The following HDLBP variants were observed in gnomAD, a reference collection of about 807,000 sequenced individuals.
The protein encoded by HDLBP is vigilin.
Under a neutral mutation model 137.3 loss-of-function variants are expected in HDLBP, and 30 were observed. The ratio of observed to expected loss-of-function variants is 0.22; its 90% CI spans 0.16 to 0.30. The LOEUF is 0.30. Ranked by LOEUF, HDLBP falls within the 10% of genes least tolerant of loss-of-function variation. The pLI is 1.00. For synonymous variants in HDLBP, 606 were observed against 596.0 expected, an observed-to-expected ratio of 1.02 and a Z score of -0.24; for missense variants, 1,119 against 1,667.3, an observed-to-expected ratio of 0.67 and a Z score of 5.73.
Position 241,239,407 on chromosome 2 carries a change from A to C in HDLBP, c.2610+195T>G, listed in dbSNP as rs1049410393. On this transcript the variant is annotated intron_variant, in intron 19 of 27. Transcript: ENST00000310931. The surrounding 1 kb of genome is among the most constrained non-coding windows in gnomAD (Gnocchi z 4.6). ...TTTTTTAAGTGCTTCTCGCAGGCAG[A>C]ATTCTCACCAACTATCAGGAAGGAG... Among the ~76,000 whole-genome samples, 5 of 151,600 alleles carry C rather than the reference A, an allele frequency of 3.3e-5. No homozygotes were observed. Among genetic ancestry groups the C allele is most frequent in the Non-Finnish European group, 7.4e-5 (5 of 67,924 alleles).
intron 1 of HDLBP, among the ~76,000 whole-genome samples, chr2:241,288,145 A>G (rs1453107356): frequency 6.6e-6 from 1 of 152,276 alleles, no homozygotes; most frequent in Non-Finnish European, 1.5e-5. Context: ...AAGTATCACC[A>G]GGTACTACAA....
chr2:241,270,867 A>T (rs1037730109), intron 1 of HDLBP: 23 of 648,216 alleles, frequency 3.5e-5, no homozygotes, highest in Admixed American at 6.3e-5. Flanking sequence ...ATACCCAAGA[A>T]CAGAGGCTAA....
chr2:241,296,865 A>G (rs2075199758), intron 1 of HDLBP, among the ~76,000 whole-genome samples: 1 of 152,242 alleles, frequency 6.6e-6, no homozygotes, highest in Admixed American at 6.5e-5. Context: ...GTGCCTGCAA[A>G]AGAATACAGA....
At chr2:241,294,460 T>C (rs2075109904) in intron 1 of HDLBP, among the ~76,000 whole-genome samples, 1 of 152,220 alleles carries the variant, frequency 6.6e-6, no homozygotes. Context: ...TTCTATTTTA[T>C]TTTATTATTT....
chr2:241,303,358 A>G (rs1575054316), intron 1 of HDLBP, among the ~76,000 whole-genome samples: 1 of 152,198 alleles, frequency 6.6e-6, no homozygotes, highest in East Asian at 1.9e-4. Context: ...TGCAGTCCCC[A>G]GCCCACCCAC....
chr2:241,249,707 A>G lies in HDLBP; in HGVS notation c.1512+134T>C, dbSNP rs555711727. 1.7e-5 allele frequency: 14 copies of G among 830,304 alleles called. No individual in the cohort carries two copies. In the South Asian group the frequency reaches 2.1e-4, roughly 13 times the overall value. 51.4% of individuals were successfully genotyped at this position (830,304 alleles called of 1,614,324 possible). ...AGGAAATGTGGCCCCAGGGAGTCCA[A>G]TCCGGTTCCAGTGCAACGTGGGATT... On this transcript the variant is annotated intron_variant, in intron 12 of 27. Transcript: ENST00000310931.
At chr2:241,236,430 T>A (rs920376693) in intron 21 of HDLBP, 185 bp downstream of exon 21, 1 of 627,382 alleles carries the variant, frequency 1.6e-6, no homozygotes, top group Admixed American at 2.9e-5. Context: ...TGAAGGGAAG[T>A]GGCCTCCCCA....
chr2:241,300,311 C>T (rs1049812442), intron 1 of HDLBP, among the ~76,000 whole-genome samples: 11 of 152,152 alleles, frequency 7.2e-5, no homozygotes, highest in South Asian at 4.1e-4. Context: ...CCCTAAAAGA[C>T]GAACAAGAGG....
rs2072641004 is a variant in HDLBP at position 241,256,679 on chromosome 2, C to T, written c.578G>A (p.Ser193Asn). ...KIQIPRPDDP[S>N]NQIKITGTKE... Reference sequence around the variant, plus strand: ...GGTGCCAGTGATCTTGATCTGATTGCTGGGGTCATCTGGGCGTGGGATCTG... The same window carrying T: ...GGTGCCAGTGATCTTGATCTGATTGTTGGGGTCATCTGGGCGTGGGATCTG... Residue 193 changes from serine to asparagine, a missense_variant, in exon 6 of 28, where the codon AGC becomes AAC. Coordinates refer to ENST00000310931, the MANE Select transcript of HDLBP (RefSeq NM_005336.6). The T allele has an allele frequency of 1.9e-6, 3 of 1,614,094 alleles. No homozygotes were observed.
intron 1 of HDLBP, among the ~76,000 whole-genome samples, chr2:241,305,250 A>G (rs1575056925): frequency 6.6e-6 from 1 of 152,170 alleles, no homozygotes; most frequent in Admixed American, 6.5e-5. Context: ...CAGCCTGCTG[A>G]GTAGCTGCGA....
chr2:241,227,618 A>G lies in HDLBP; in HGVS notation c.*1983T>C, dbSNP rs137952649. The G allele has an allele frequency of 6.8e-3, 1,039 of 152,812 alleles. 7 individuals carry two copies. Among genetic ancestry groups the G allele is most frequent in the Admixed American group, 0.012 (187 of 15,302 alleles). 9.5% of individuals were successfully genotyped at this position (152,812 alleles called of 1,614,324 possible). A position where few individuals can be genotyped will look rare whatever the true frequency, so the allele number is the denominator to read the frequency against. ...CAGTTTAGGAAAGGGCTCGCGTCTA[A>G]GACATCAAGCGACATACAGAGATGT... On this transcript the variant is annotated 3_prime_UTR_variant, in exon 28 of 28. Transcript: ENST00000310931.
chr2:241,278,852 G>A (rs2074492623), intron 1 of HDLBP, among the ~76,000 whole-genome samples: 1 of 151,870 alleles, frequency 6.6e-6, no homozygotes, highest in African/African-American at 2.4e-5. Flanking sequence ...CAAAACACCA[G>A]CAACAAACTA....
At chr2:241,273,779 C>CG in intron 1 of HDLBP, 1 of 504,874 alleles carries the variant, frequency 2.0e-6, no homozygotes, top group Non-Finnish European at 2.6e-6. Context: ...AGCCTGCAGC[C>CG]AGGCCACGGG....
intron 1 of HDLBP, among the ~76,000 whole-genome samples, chr2:241,270,375 T>C (rs548382129): frequency 2.0e-5 from 3 of 152,316 alleles, no homozygotes; most frequent in Admixed American, 6.5e-5. Flanking sequence ...AGATTCCAAG[T>C]GGCAGTTTGT....
chr2:241,233,774 T>C lies in HDLBP; in HGVS notation c.3288+46A>G, dbSNP rs1332395695. ...TACTGCTCCCAAGTCACAGGAAAGG[T>C]CAACAAGCACCTCTGCCCCCGACAC... On this transcript the variant is annotated intron_variant, in intron 24 of 27. Coordinates refer to ENST00000310931, the MANE Select transcript of HDLBP (RefSeq NM_005336.6). This position sits in a 1 kb window ranked among gnomAD's most constrained non-coding sequence, Gnocchi z 4.3. 1.2e-6 allele frequency: 2 copies of C among 1,610,762 alleles called. No homozygotes were observed. The highest frequency in any genetic ancestry group is 1.7e-6 in the Non-Finnish European group (2 of 1,178,548).
chr2:241,257,930 A>G (rs1257500569), intron 5 of HDLBP, among the ~76,000 whole-genome samples: 1 of 152,248 alleles, frequency 6.6e-6, no homozygotes, highest in African/African-American at 2.4e-5. Flanking sequence ...CATTTAGGAC[A>G]TGATAAAAGC....
chr2:241,257,446 T>C (rs2072738030), intron 5 of HDLBP, among the ~76,000 whole-genome samples: 2 of 152,224 alleles, frequency 1.3e-5, no homozygotes, highest in South Asian at 2.1e-4. Flanking sequence ...TTGGCCCCGA[T>C]GGTCTCGAAT....
At chr2:241,287,810 C>G (rs1411845759) in intron 1 of HDLBP, among the ~76,000 whole-genome samples, 2 of 152,144 alleles carry the variant, frequency 1.3e-5, no homozygotes. Flanking sequence ...GAAGGAAACT[C>G]AAGTCATTGA....
intron 16 of HDLBP, 37 bp downstream of exon 16, chr2:241,246,715 T>C (rs755913367): frequency 6.2e-7 from 1 of 1,601,286 alleles, no homozygotes; most frequent in Non-Finnish European, 8.5e-7. Flanking sequence ...TTAGAGATTT[T>C]ACTGGAGGAT....
Sources: allele counts gnomAD v4.1 joint callset (sites outside exome capture counted in the v4.1 genomes callset), GRCh38; gene constraint gnomAD v4.1.1; non-coding constraint Gnocchi (gnomAD v3.1); transcripts MANE v1.5; gene names NCBI Gene and HGNC (gene_info 2026-07-23, HGNC 2026-07-21).